Variants in GRIN1 observed in about 807,000 individuals in gnomAD.
The protein encoded by GRIN1 is glutamate ionotropic receptor NMDA type subunit 1.
Under a neutral mutation model 103.0 loss-of-function variants are expected in GRIN1, and 38 were observed. The observed-to-expected ratio is 0.37, with a 90% CI of 0.28 to 0.48. The LOEUF (loss-of-function observed/expected upper bound fraction) is 0.48, where lower values mean the gene tolerates loss of function less well. GRIN1 is among the 20% of genes least tolerant of loss of function. The pLI, the probability that GRIN1 is intolerant of heterozygous loss-of-function variation, is 0.98. For synonymous variants in GRIN1, 544 were observed against 532.7 expected, an observed-to-expected ratio of 1.02 and a Z score of -0.29; for missense variants, 577 against 1,288.9, an observed-to-expected ratio of 0.45 and a Z score of 8.46.
chr9:137,166,066 G>T (rs1486593073), intron 19 of GRIN1, among the ~76,000 whole-genome samples: 2 of 152,194 alleles, frequency 1.3e-5, no homozygotes, highest in Non-Finnish European at 2.9e-5. Context: ...CTCCCAGAGG[G>T]TCTGAGAATG....
At chr9:137,149,893 A>G (rs888123735) in intron 4 of GRIN1, among the ~76,000 whole-genome samples, 7 of 152,282 alleles carry the variant, frequency 4.6e-5, no homozygotes, top group African/African-American at 1.7e-4. Context: ...GCATATGGGA[A>G]AGAGCCGGCG....
chr9:137,164,933 A>G, intron 18 of GRIN1: 2 of 500,630 alleles, frequency 4.0e-6, no homozygotes, highest in Non-Finnish European at 3.6e-6. Flanking sequence ...AGCCAGGCGG[A>G]CCTCCCAGGA....
In GRIN1 at chr9:137,168,147, G is replaced by C. The variant is rs995920375; in HGVS notation, c.*620G>C. 21 of 507,632 alleles carry C rather than the reference G, an allele frequency of 4.1e-5. No homozygotes were observed. The highest frequency in any genetic ancestry group is 6.8e-5 in the Admixed American group (2 of 29,224). 31.4% of individuals were successfully genotyped at this position (507,632 alleles called of 1,614,324 possible). On this transcript the variant is annotated 3_prime_UTR_variant, in exon 20 of 20. Coordinates refer to ENST00000371561, the MANE Select transcript of GRIN1 (RefSeq NM_007327.4). Reference sequence around the variant, plus strand: ...GGGGCTAACTGGCCCCAGGCGGAGGGGCTTGGAGCAGAGACGGCAGCCCCA... The same window carrying C: ...GGGGCTAACTGGCCCCAGGCGGAGGCGCTTGGAGCAGAGACGGCAGCCCCA...
At chr9:137,152,012 T>C (rs955691747) in intron 4 of GRIN1, among the ~76,000 whole-genome samples, 4 of 148,378 alleles carry the variant, frequency 2.7e-5, no homozygotes, top group Admixed American at 6.8e-5. Flanking sequence ...GCTCACGCCA[T>C]TCTCCTGCCT....
chr9:137,144,466 A>G (rs1349119143), intron 2 of GRIN1, among the ~76,000 whole-genome samples: 4 of 151,628 alleles, frequency 2.6e-5, no homozygotes, highest in Admixed American at 2.0e-4. Context: ...CATCCTGGCT[A>G]ATACGGTGAA....
At chr9:137,161,225 G>A (rs1474763222) in intron 9 of GRIN1, 28 bp downstream of exon 9, 2 of 1,606,004 alleles carry the variant, frequency 1.2e-6, no homozygotes, top group South Asian at 2.2e-5. Context: ...GGCGCGGGGC[G>A]CGGGGCAGGG....
rs781197755 is a variant in GRIN1, at chr9:137,142,045, C to T, written c.291C>T (p.Thr97=). 1.9e-6 allele frequency: 3 copies of T among 1,614,144 alleles called. No homozygotes were observed. The highest frequency in any genetic ancestry group is 1.6e-4 in the Middle Eastern group (1 of 6,062). ...VYAILVSHPP[T]PNDHFTPTPV... ...CCATCCTAGTTAGCCATCCACCTAC[C>T]CCCAACGACCACTTCACTCCCACCC... is the stretch of plus-strand genomic sequence containing the variant. Residue 97 remains threonine (T), a synonymous_variant, in exon 2 of 20, where the codon ACC becomes ACT. Transcript: ENST00000371561.
chr9:137,161,108 A>C lies in GRIN1; in HGVS notation c.1250A>C (p.Asp417Ala). The change falls in exon 9 of 20, where the codon GAT becomes GCT. Residue 417 changes from aspartate to alanine, a missense_variant. By Grantham distance (126) the Asp-to-Ala change is moderately radical. Around this residue, in one of 9 missense-constraint regions of GRIN1, gnomAD observed 96 missense variants for 145.0 expected, o/e 0.66. Coordinates refer to ENST00000371561, the MANE Select transcript of GRIN1 (RefSeq NM_007327.4). The stretch of plus-strand genomic sequence containing the variant: ...GTGTACGTCAAGCCCACGCTGAGTG[A>C]TGGGACATGCAAGGAGGAGTTCACA... Reference protein sequence around the residue: ...PFVYVKPTLSDGTCKEEFTVN... With the variant: ...PFVYVKPTLSAGTCKEEFTVN... 6.2e-7 allele frequency: 1 copy of C among 1,612,898 alleles called. No homozygotes were observed. The highest frequency in any genetic ancestry group is 8.5e-7 in the Non-Finnish European group (1 of 1,179,912).
intron 2 of GRIN1, among the ~76,000 whole-genome samples, chr9:137,144,726 AG>A (rs1169191448): frequency 1.6e-5 from 2 of 125,446 alleles, no homozygotes; most frequent in East Asian, 2.7e-4. Context: ...AAGTGTCCCC[AG>A]GGGTGTGGGG....
At chr9:137,158,867 C>T in intron 8 of GRIN1, 163 bp downstream of exon 8, 2 of 657,556 alleles carry the variant, frequency 3.0e-6, no homozygotes, top group Non-Finnish European at 5.5e-6. Flanking sequence ...TGGCACAGCA[C>T]AGGAAGCAGA....
chr9:137,162,817 G>A, intron 14 of GRIN1, 29 bp from the exon 15 acceptor site: 2 of 1,610,038 alleles, frequency 1.2e-6, no homozygotes, highest in East Asian at 2.2e-5. Context: ...GGGAGCCGCC[G>A]CCGCGATCCC....
chr9:137,163,910 G>T lies in GRIN1; in HGVS notation c.2589+6G>T, dbSNP rs200395927. 148 of 1,612,120 alleles carry T rather than the reference G, an allele frequency of 9.2e-5. No individual in the cohort carries two copies. Among genetic ancestry groups the T allele is most frequent in the Non-Finnish European group, 1.2e-4 (144 of 1,179,722 alleles). On this transcript the variant is annotated splice_donor_region_variant and intron_variant, in intron 18 of 19. Transcript: ENST00000371561. The stretch of plus-strand genomic sequence containing the variant: ...TGTGGCGGAAGAACCTGCAGGTAGG[G>T]CAGGCCACCCTCCGAGGCCTGGTGC...
At position 137,145,315 on chromosome 9, in the gene GRIN1, A is replaced by C. The variant is rs1342163508; in HGVS notation, c.394-411A>C. 8.2e-5 allele frequency among the ~76,000 whole-genome samples: 9 copies of C among 110,294 alleles called. No homozygotes were observed. In the South Asian group the frequency reaches 2.2e-3, roughly 27 times the overall value. The allele number at this position is 110,294 out of a possible 152,430, so 72.4% of individuals were successfully genotyped here. A position where few individuals can be genotyped will look rare whatever the true frequency, so the allele number is the denominator to read the frequency against. Reference sequence around the variant, plus strand: ...AAAGTGTCCCCAGAGGGGTGGGGACAGGAGTGAGAGGAAGGGGGTCCCAGG... The same window carrying C: ...AAAGTGTCCCCAGAGGGGTGGGGACCGGAGTGAGAGGAAGGGGGTCCCAGG... On this transcript the variant is annotated intron_variant, in intron 2 of 19. Coordinates refer to ENST00000371561, the MANE Select transcript of GRIN1 (RefSeq NM_007327.4).
Position 137,150,033 on chromosome 9 carries a change from A to C in GRIN1, c.671+924A>C, listed in dbSNP as rs1467561596. On this transcript the variant is annotated intron_variant, in intron 4 of 19. Transcript: ENST00000371561. ...GCCAGCCAGGGCTCCTCGGACTAGA[A>C]GGCAGGAATCTCCCCAGCCCAAGGT... Among the ~76,000 whole-genome samples, 5 of 152,320 alleles carry C rather than the reference A, an allele frequency of 3.3e-5. No homozygotes were observed. In the East Asian group the frequency reaches 9.6e-4, roughly 29 times the overall value.
chr9:137,144,523 CG>C (rs1483014849), intron 2 of GRIN1, among the ~76,000 whole-genome samples: 7 of 152,010 alleles, frequency 4.6e-5, no homozygotes, highest in East Asian at 3.9e-4. Context: ...GGCGTGGTGG[CG>C]GGCGCCTGTA....
intron 7 of GRIN1, 34 bp from the exon 8 acceptor site, chr9:137,158,587 G>C: frequency 1.2e-6 from 2 of 1,607,548 alleles, no homozygotes; most frequent in Non-Finnish European, 1.7e-6. Context: ...AGACCCCTGC[G>C]TGGCCACCCT....
At chr9:137,151,750 C>G (rs1327636895) in intron 4 of GRIN1, among the ~76,000 whole-genome samples, 1 of 152,230 alleles carries the variant, frequency 6.6e-6, no homozygotes, top group African/African-American at 2.4e-5. Context: ...ACTGCAACCT[C>G]TGCCTCCTGG....
At chr9:137,152,553 C>G (rs1377072802) in intron 4 of GRIN1, among the ~76,000 whole-genome samples, 2 of 152,316 alleles carry the variant, frequency 1.3e-5, no homozygotes, top group Non-Finnish European at 2.9e-5. Flanking sequence ...GCCCAGGTCC[C>G]CACAGAGAGG....
intron 6 of GRIN1, 31 bp downstream of exon 6, chr9:137,157,068 G>T: frequency 6.3e-7 from 1 of 1,582,232 alleles, no homozygotes. Flanking sequence ...GCTGGGCGGG[G>T]CTGCTCTTGG....
Sources: gnomAD v4.1 joint callset for allele counts (sites outside exome capture counted in the v4.1 genomes callset) on GRCh38, gnomAD v4.1.1 for gene constraint, gnomAD v4.1.1 regional missense constraint, MANE v1.5 for transcripts, NCBI Gene and HGNC (gene_info 2026-07-23, HGNC 2026-07-21) for gene names.